CROCC2: variants seen among roughly 807,000 people sequenced by gnomAD.
The protein encoded by CROCC2 is ciliary rootlet coiled-coil protein 2.
A neutral mutation model predicts 177.6 loss-of-function variants in CROCC2; 163 were observed. That is an observed-to-expected ratio of 0.92 (90% CI 0.81 to 1.05). The LOEUF (loss-of-function observed/expected upper bound fraction) is 1.05, where lower values mean the gene tolerates loss of function less well. Ranked by LOEUF, CROCC2 falls within the 50% of genes least tolerant of loss-of-function variation. CROCC2 has a pLI of 0.00. For synonymous variants in CROCC2, 904 were observed against 787.3 expected, an observed-to-expected ratio of 1.15 and a Z score of -2.48; for missense variants, 1,929 against 1,797.8, an observed-to-expected ratio of 1.07 and a Z score of -1.32.
At position 240,963,694 on chromosome 2, in the gene CROCC2, G is replaced by A. The variant is rs1559607502; in HGVS notation, c.3226G>A (p.Ala1076Thr). ...GGCCCGCCGGGCGCTGAGTGACGAG[G>A]CCCGCGAGAAGGACGTACTGTTGCT... ...QEARRALSDEAREKDVLLLFN... is the reference protein window; with the variant it reads ...QEARRALSDETREKDVLLLFN... Residue 1076 changes from alanine (A) to threonine (T), a missense_variant, in exon 21 of 32, where the codon GCC (alanine) becomes ACC (threonine). Ala to Thr is a moderately conservative substitution (Grantham distance 58, BLOSUM62 0). This residue lies in a region of CROCC2 where 1,397 missense variants were observed against 1,239.9 expected (regional missense o/e 1.13). Transcript: ENST00000690015. The A allele has an allele frequency of 1.3e-6, 2 of 1,550,296 alleles. No homozygotes were observed. Among genetic ancestry groups the A allele is most frequent in the East Asian group, 4.9e-5 (2 of 40,910 alleles).
At chr2:240,965,613 G>A (rs567275980) in intron 23 of CROCC2, 23 bp from the exon 24 acceptor site, 21 of 1,550,044 alleles carry the variant, frequency 1.4e-5, no homozygotes, top group Middle Eastern at 1.7e-4. Flanking sequence ...TCCCACGGGC[G>A]CACCCCAACA....
intron 3 of CROCC2, among the ~76,000 whole-genome samples, chr2:240,920,368 C>T (rs2059350656): frequency 6.6e-6 from 1 of 152,208 alleles, no homozygotes; most frequent in Admixed American, 6.5e-5. Context: ...GTGCCCAGGC[C>T]TTTCTGATGC....
rs879570634 is a variant in CROCC2, at chr2:240,960,035, C to T, written c.3087+591C>T. ...GAGTCCAGCCGGCCCCCTCGTTCCA[C>T]GCACAGTTAAGAAAGTGGAGTCAGG... On this transcript the variant is annotated intron_variant, in intron 20 of 31. Transcript: ENST00000690015. The surrounding 1 kb of genome is among the most constrained non-coding windows in gnomAD (Gnocchi z 5.0). Among the ~76,000 whole-genome samples, 4 of 152,246 alleles carry T rather than the reference C, an allele frequency of 2.6e-5. No homozygotes were observed. The highest frequency in any genetic ancestry group is 5.9e-5 in the Non-Finnish European group (4 of 68,044).
intron 28 of CROCC2, chr2:240,983,601 A>G: frequency 7.8e-7 from 1 of 1,284,320 alleles, no homozygotes; most frequent in Non-Finnish European, 1.0e-6. Context: ...GGTGGTCCTT[A>G]GAGAGGAAGG....
Position 240,935,596 on chromosome 2 carries a change from C to A in CROCC2, c.2169+8C>A. 1 of 1,385,052 alleles carries A rather than the reference C, an allele frequency of 7.2e-7. No homozygotes were observed. The highest frequency in any genetic ancestry group is 9.3e-7 in the Non-Finnish European group (1 of 1,071,294). The allele number at this position is 1,385,052 out of a possible 1,614,324, so 85.8% of individuals were successfully genotyped here. ...CAGGAGCAGGTGGGCCAGGTGAGGA[C>A]GTCTGCAGGGCATGCTGCCGCCGTC... On this transcript the variant is annotated splice_region_variant and intron_variant, in intron 14 of 31. Coordinates refer to ENST00000690015, the MANE Select transcript of CROCC2 (RefSeq NM_001351305.2).
chr2:240,964,121 G>A, intron 21 of CROCC2: 1 of 532,834 alleles, frequency 1.9e-6, no homozygotes. Flanking sequence ...CCCCTGTGGG[G>A]CAGCTGGGCA....
chr2:240,968,953 G>A (rs1004080226), intron 27 of CROCC2, among the ~76,000 whole-genome samples: 9 of 152,236 alleles, frequency 5.9e-5, no homozygotes, highest in African/African-American at 2.2e-4. Flanking sequence ...GGTGTCCTGA[G>A]ATCCTCTTGT....
chr2:240,913,299 G>A (rs1334029173), intron 1 of CROCC2, among the ~76,000 whole-genome samples: 1 of 148,728 alleles, frequency 6.7e-6, no homozygotes, highest in East Asian at 2.1e-4. Context: ...CATGGACACA[G>A]TGCCCGGGCT....
intron 18 of CROCC2, 45 bp downstream of exon 18, chr2:240,950,555 C>A: frequency 6.6e-7 from 1 of 1,515,098 alleles, no homozygotes; most frequent in South Asian, 1.3e-5. Flanking sequence ...ACACCCACTG[C>A]ACCTGTCACC....
chr2:240,935,197 G>T (rs987989769), intron 13 of CROCC2, 135 bp downstream of exon 13: 28 of 1,227,106 alleles, frequency 2.3e-5, no homozygotes, highest in Admixed American at 3.7e-5. Flanking sequence ...GGACAAGGGA[G>T]CCTGACTAGC....
chr2:240,985,736 ACACACACCCAGGCACTCACTC>A, intron 28 of CROCC2, among the ~76,000 whole-genome samples: 1 of 127,320 alleles, frequency 7.9e-6, no homozygotes, highest in South Asian at 2.7e-4. Context: ...CTCACTCCAC[ACACACACCCAGGCACTCACTC>A]CACACACACC....
In CROCC2 at chr2:240,989,846, C is replaced by A. The variant is rs1192435660; in HGVS notation, c.4863+13C>A. 7 of 1,526,708 alleles carry A rather than the reference C, an allele frequency of 4.6e-6. No homozygotes were observed. The South Asian group carries it at 7.3e-5, about 16-fold the overall frequency. The allele number at this position is 1,526,708 out of a possible 1,614,324, so 94.6% of individuals were successfully genotyped here. ...GCTGGAAGAGCAGGTAAGGTCGGGA[C>A]CCCAGCCCCCTGGGTGAGGGAAGAG... On this transcript the variant is annotated intron_variant, in intron 30 of 31. Coordinates refer to ENST00000690015, the MANE Select transcript of CROCC2 (RefSeq NM_001351305.2).
At position 240,993,054 on chromosome 2, in the gene CROCC2, G is replaced by A. The variant is rs534540397; in HGVS notation, c.4947-12G>A. ...ATGCGGTGTCCACGCCTCCCTCTTTGCATCCCTGCAGCGCCCAAAGGGACT... is the reference window on the plus strand; with the variant it reads ...ATGCGGTGTCCACGCCTCCCTCTTTACATCCCTGCAGCGCCCAAAGGGACT... On this transcript the variant is annotated splice_polypyrimidine_tract_variant and intron_variant, in intron 31 of 31. Transcript: ENST00000690015. 7 of 716,936 alleles carry A rather than the reference G, an allele frequency of 9.8e-6. No individual in the cohort carries two copies. Among genetic ancestry groups the A allele is most frequent in the Non-Finnish European group, 1.8e-5 (7 of 384,804 alleles). 44.4% of individuals were successfully genotyped at this position (716,936 alleles called of 1,614,324 possible).
chr2:240,965,469 G>C lies in CROCC2; in HGVS notation c.3554G>C (p.Arg1185Pro), dbSNP rs551979649. The change falls in exon 23 of 32, where the codon CGG (arginine) becomes CCG (proline). Residue 1185 changes from arginine (R) to proline (P), a missense_variant. By Grantham distance (103) the Arg-to-Pro change is moderately radical. This residue lies in a region of CROCC2 where 144 missense variants were observed against 205.2 expected (regional missense o/e 0.70). Coordinates refer to ENST00000690015, the MANE Select transcript of CROCC2 (RefSeq NM_001351305.2). The part of the protein sequence containing the change: ...AQCSQEVLEL[R>P]RQAAKAEAKH... ...TGCTCGCAGGAGGTGCTGGAGCTGC[G>C]GAGGCAGGCAGCCAAGGCAGAGGCC... 1 of 1,550,032 alleles carries C rather than the reference G, an allele frequency of 6.5e-7. No individual in the cohort carries two copies. The highest frequency in any genetic ancestry group is 2.0e-5 in the Admixed American group (1 of 51,004).
chr2:240,976,195 G>C (rs554407677), intron 27 of CROCC2, among the ~76,000 whole-genome samples: 2 of 143,640 alleles, frequency 1.4e-5, no homozygotes, highest in Non-Finnish European at 3.1e-5. Flanking sequence ...TCCCTGCTCA[G>C]TCTCTGGGGT....
Position 240,959,341 on chromosome 2 carries a change from A to G in CROCC2, c.2984A>G (p.Gln995Arg). 1 of 1,550,626 alleles carries G rather than the reference A, an allele frequency of 6.4e-7. No homozygotes were observed. Among genetic ancestry groups the G allele is most frequent in the Non-Finnish European group, 8.7e-7 (1 of 1,146,982 alleles). The change falls in exon 20 of 32, where the codon CAG becomes CGG. Residue 995 changes from glutamine (Q) to arginine (R), a missense_variant. By Grantham distance (43) the Gln-to-Arg change is conservative. Around this residue, in one of 3 missense-constraint regions of CROCC2, gnomAD observed 1,397 missense variants for 1,239.9 expected, o/e 1.13. Transcript: ENST00000690015. ...SATTEELKAL[Q>R]AQFEDAITAH... is the part of the protein sequence containing the mutation. ...ACGACTGAGGAGCTGAAGGCCCTCC[A>G]GGCCCAGTTTGAGGATGCCATCACA... is the stretch of plus-strand genomic sequence containing the variant.
At chr2:240,968,624 C>T (rs748128302) in intron 27 of CROCC2, among the ~76,000 whole-genome samples, 5 of 152,242 alleles carry the variant, frequency 3.3e-5, no homozygotes, top group Non-Finnish European at 7.3e-5. Context: ...GCCACAGCGG[C>T]AGGCATGGGG....
intron 15 of CROCC2, among the ~76,000 whole-genome samples, chr2:240,946,874 C>G (rs1194333725): frequency 1.3e-5 from 2 of 152,242 alleles, no homozygotes; most frequent in Non-Finnish European, 2.9e-5. Context: ...ATCCCTGGAG[C>G]CAGAAGCAGG....
rs2059459137 is a variant in CROCC2 at position 240,935,012 on chromosome 2, A to G, written c.1888A>G (p.Met630Val). ...CTCCCTGGCCGCAATGGCCGCCTTG[A>G]TGGAGGGGTTGGCTCAGGACAAAAG... ...RDSLAAMAAL[M>V]EGLAQDKSAL... The change falls in exon 13 of 32, where the codon ATG becomes GTG. Residue 630 changes from methionine (M) to valine (V), a missense_variant. By Grantham distance (21) the Met-to-Val change is conservative. This residue lies in a region of CROCC2 where 1,397 missense variants were observed against 1,239.9 expected (regional missense o/e 1.13). Transcript: ENST00000690015. The G allele has an allele frequency of 1.4e-6, 2 of 1,437,090 alleles. No individual in the cohort carries two copies. Among genetic ancestry groups the G allele is most frequent in the Non-Finnish European group, 1.8e-6 (2 of 1,093,056 alleles). The allele number at this position is 1,437,090 out of a possible 1,614,324, so 89.0% of individuals were successfully genotyped here. A position where few individuals can be genotyped will look rare whatever the true frequency, so the allele number is the denominator to read the frequency against.
Sources: gnomAD v4.1 joint callset for allele counts (sites outside exome capture counted in the v4.1 genomes callset) on GRCh38, gnomAD v4.1.1 for gene constraint, gnomAD v4.1.1 regional missense constraint, Gnocchi (gnomAD v3.1) non-coding constraint, MANE v1.5 for transcripts, NCBI Gene and HGNC (gene_info 2026-07-23, HGNC 2026-07-21) for gene names.